Variants in KLHL29 observed in about 807,000 individuals in gnomAD.
KLHL29 encodes kelch-like protein 29.
KLHL29 carries 21 observed loss-of-function variants against 80.4 expected under a neutral mutation model. The observed-to-expected ratio is 0.26, with a 90% CI of 0.19 to 0.38. KLHL29 has a LOEUF of 0.38. KLHL29 is among the 10% of genes least tolerant of loss of function. The probability of loss-of-function intolerance (pLI) is 1.00; values close to 1 mark genes in which losing one functional copy is unlikely to be tolerated. For synonymous variants in KLHL29, 511 were observed against 526.8 expected (o/e 0.97, Z 0.41); for missense variants, 867 against 1,223.9 (o/e 0.71, Z 4.35).
chr2:23,398,047 G>GGCCAT (rs1454772600), intron 1 of KLHL29, among the ~76,000 whole-genome samples: 2 of 152,198 alleles, frequency 1.3e-5, no homozygotes, highest in African/African-American at 4.8e-5. Flanking sequence ...AAAACATTAT[G>GGCCAT]GCCATTCTTC....
At chr2:23,635,193 G>A (rs1669576940) in intron 3 of KLHL29, among the ~76,000 whole-genome samples, 1 of 152,230 alleles carries the variant, frequency 6.6e-6, no homozygotes, top group Admixed American at 6.5e-5. Context: ...AGCCTCTCGG[G>A]GCTGTGTGTC....
At chr2:23,612,602 C>T (rs1443650353) in intron 3 of KLHL29, among the ~76,000 whole-genome samples, 2 of 151,990 alleles carry the variant, frequency 1.3e-5, no homozygotes, top group Non-Finnish European at 2.9e-5. Context: ...ATTAGGTGGT[C>T]ATGGTGGTGA....
chr2:23,462,033 G>A (rs1664225689), intron 1 of KLHL29, among the ~76,000 whole-genome samples: 1 of 148,990 alleles, frequency 6.7e-6, no homozygotes, highest in Non-Finnish European at 1.5e-5. Flanking sequence ...TAATAGAAGG[G>A]GCTGCACCTG....
rs143032215 is a variant in KLHL29 at position 23,548,114 on chromosome 2, A to G, written c.-45-14038A>G. On this transcript the variant is annotated intron_variant, in intron 2 of 13. Transcript: ENST00000486442. The stretch of plus-strand genomic sequence containing the variant: ...GGGGACACTGAGATAAGGAGCAGGC[A>G]GGCCGTGGCTTCAAGGAGCTGCCAA... Among the ~76,000 whole-genome samples the G allele has an allele frequency of 4.3e-3, 661 of 152,324 alleles. 6 individuals are homozygous for G. The highest frequency in any genetic ancestry group is 0.015 in the African/African-American group (626 of 41,576).
intron 3 of KLHL29, among the ~76,000 whole-genome samples, chr2:23,571,060 G>A (rs931551730): frequency 2.0e-5 from 3 of 152,242 alleles, no homozygotes; most frequent in African/African-American, 7.2e-5. Context: ...CTAGAACAGC[G>A]CCTGCCTTGA....
chr2:23,397,585 G>A (rs1435033887), intron 1 of KLHL29, among the ~76,000 whole-genome samples: 2 of 152,190 alleles, frequency 1.3e-5, no homozygotes, highest in African/African-American at 4.8e-5. Context: ...TTGGTCCCAG[G>A]AAAATGGGAG....
rs539097641 is a variant in KLHL29 at position 23,443,246 on chromosome 2, A to G, written c.-153-32314A>G. Among the ~76,000 whole-genome samples, 36 of 152,294 alleles carry G rather than the reference A, an allele frequency of 2.4e-4. No homozygotes were observed. The South Asian group carries it at 3.1e-3, about 13-fold the overall frequency. On this transcript the variant is annotated intron_variant, in intron 1 of 13. Coordinates refer to ENST00000486442, the MANE Select transcript of KLHL29 (RefSeq NM_052920.2). ...GAGCTGTTTGAAAGTTTCAGACATCAAGTACCTTCACCCCTAAGTACTTTT... is the reference window on the plus strand; with the variant it reads ...GAGCTGTTTGAAAGTTTCAGACATCGAGTACCTTCACCCCTAAGTACTTTT...
chr2:23,547,922 A>G (rs1011255484), intron 2 of KLHL29, among the ~76,000 whole-genome samples: 1 of 152,128 alleles, frequency 6.6e-6, no homozygotes, highest in Non-Finnish European at 1.5e-5. Context: ...GCACAGAGTA[A>G]GGCCACCAGC....
At chr2:23,484,376 A>G (rs2103444156) in intron 2 of KLHL29, among the ~76,000 whole-genome samples, 1 of 152,330 alleles carries the variant, frequency 6.6e-6, no homozygotes, top group East Asian at 1.9e-4. Flanking sequence ...ACTCATTTAG[A>G]TAAAAGTGTC....
chr2:23,420,840 C>A (rs541844257), intron 1 of KLHL29, among the ~76,000 whole-genome samples: 1 of 152,148 alleles, frequency 6.6e-6, no homozygotes, highest in African/African-American at 2.4e-5. Flanking sequence ...GGCACATGTA[C>A]GACTCATCTT....
chr2:23,615,579 G>A (rs1668984086), intron 3 of KLHL29, among the ~76,000 whole-genome samples: 1 of 152,166 alleles, frequency 6.6e-6, no homozygotes, highest in Non-Finnish European at 1.5e-5. Flanking sequence ...TGCGAGCCGG[G>A]CCGGAGCACC....
rs144887985 is a variant in KLHL29 at position 23,508,530 on chromosome 2, A to G, written c.-46+32863A>G. The stretch of plus-strand genomic sequence containing the variant: ...ACACCTGTGCTCCATTCTATTAGTT[A>G]CAAGTGAATCACAAGTCCACGTAGA... On this transcript the variant is annotated intron_variant, in intron 2 of 13. Transcript: ENST00000486442. Among the ~76,000 whole-genome samples the G allele has an allele frequency of 2.2e-3, 335 of 152,360 alleles. 9 individuals are homozygous for G. In the East Asian group the frequency reaches 0.057, roughly 26 times the overall value.
At chr2:23,532,616 A>AGATT (rs777675883) in intron 2 of KLHL29, 14 of 456,616 alleles carry the variant, frequency 3.1e-5, no homozygotes, top group Non-Finnish European at 2.6e-5. Context: ...TGGAGTGACA[A>AGATT]GATTGTAAGA....
intron 3 of KLHL29, among the ~76,000 whole-genome samples, chr2:23,605,394 C>T (rs1041229379): frequency 1.3e-5 from 2 of 151,920 alleles, no homozygotes; most frequent in Admixed American, 6.6e-5. Context: ...CACCACACCC[C>T]GCCTACCTGC....
At chr2:23,658,452 C>A (rs527695956) in intron 5 of KLHL29, among the ~76,000 whole-genome samples, 129 of 152,310 alleles carry the variant, frequency 8.5e-4, no homozygotes, top group African/African-American at 2.9e-3. Flanking sequence ...GGGCTCCCCA[C>A]AAGGCTCACA....
At chr2:23,548,521 C>T (rs1389793287) in intron 2 of KLHL29, among the ~76,000 whole-genome samples, 1 of 152,224 alleles carries the variant, frequency 6.6e-6, no homozygotes, top group Non-Finnish European at 1.5e-5. Context: ...GCCAATGACA[C>T]CAGAGCAGAA....
At chr2:23,520,122 C>T (rs917990849) in intron 2 of KLHL29, among the ~76,000 whole-genome samples, 3 of 152,208 alleles carry the variant, frequency 2.0e-5, no homozygotes, top group South Asian at 2.1e-4. Context: ...GAGAGGAGGA[C>T]GGGTCTGAAG....
chr2:23,430,194 G>A (rs893426), intron 1 of KLHL29, among the ~76,000 whole-genome samples: 5,263 of 152,242 alleles, frequency 0.035, 114 homozygotes, highest in Middle Eastern at 0.061. Context: ...CAGAGTGTGC[G>A]ATTCAGTGAA....
rs1667468461 is a variant in KLHL29 at position 23,562,300 on chromosome 2, T to A, written c.104T>A (p.Val35Asp). The A allele has an allele frequency of 6.5e-7, 1 of 1,546,142 alleles. No individual in the cohort carries two copies. Among genetic ancestry groups the A allele is most frequent in the Admixed American group, 2.0e-5 (1 of 50,834 alleles). ...GTHGTTSICS[V>D]TSGAGGGTAS... is the part of the protein sequence containing the mutation. ...CATGGGACCACCAGCATCTGCAGTG[T>A]CACCTCGGGGGCCGGTGGCGGCACA... The change falls in exon 3 of 14, where the codon GTC (valine) becomes GAC (aspartate). Residue 35 changes from valine to aspartate, a missense_variant. Val to Asp is a radical substitution (Grantham distance 152). Around this residue, in one of 2 missense-constraint regions of KLHL29, gnomAD observed 424 missense variants for 456.9 expected, o/e 0.93. Transcript: ENST00000486442. The surrounding 1 kb of genome is among the most constrained non-coding windows in gnomAD (Gnocchi z 4.5).
Sources: gnomAD v4.1 joint callset for allele counts (sites outside exome capture counted in the v4.1 genomes callset) on GRCh38, gnomAD v4.1.1 for gene constraint, gnomAD v4.1.1 regional missense constraint, Gnocchi (gnomAD v3.1) non-coding constraint, MANE v1.5 for transcripts, NCBI Gene and HGNC (gene_info 2026-07-23, HGNC 2026-07-21) for gene names.